Variants in ATXN3 observed in about 807,000 individuals in gnomAD.
ATXN3 encodes ataxin 3.
In ATXN3, 28 loss-of-function variants were observed where a neutral mutation model predicts 58.2. The observed-to-expected ratio is 0.48, with a 90% CI of 0.36 to 0.66. The LOEUF (loss-of-function observed/expected upper bound fraction) is 0.66, where lower values mean the gene tolerates loss of function less well. ATXN3 is among the 30% of genes least tolerant of loss of function. The pLI is 0.00. For synonymous variants in ATXN3, 113 were observed against 138.5 expected (o/e 0.82, Z 1.29); for missense variants, 321 against 422.1 (o/e 0.76, Z 2.10).
At chr14:92,084,065 C>A (rs2061942544) in intron 6 of ATXN3, among the ~76,000 whole-genome samples, 1 of 152,190 alleles carries the variant, frequency 6.6e-6, no homozygotes, top group South Asian at 2.1e-4. Context: ...GCACTGTCAG[C>A]TTCCCTACTT....
rs2059930727 is a variant in ATXN3, at chr14:92,074,081, C to T, written c.873-3028G>A. Among the ~76,000 whole-genome samples, 4 of 149,020 alleles carry T rather than the reference C, an allele frequency of 2.7e-5. No homozygotes were observed. The South Asian group carries it at 8.5e-4, about 32-fold the overall frequency. Reference sequence around the variant, plus strand: ...GTGGCTCATACCTGTAATCACAACACTTTGGGAGGCTGAGGCGGGCAGATC... The same window carrying T: ...GTGGCTCATACCTGTAATCACAACATTTTGGGAGGCTGAGGCGGGCAGATC... On this transcript the variant is annotated intron_variant, in intron 9 of 10. Transcript: ENST00000644486.
intron 6 of ATXN3, 93 bp from the exon 7 acceptor site, chr14:92,083,351 A>C: frequency 1.6e-6 from 2 of 1,221,268 alleles, no homozygotes; most frequent in Non-Finnish European, 2.3e-6. Flanking sequence ...AGCACAGAAC[A>C]CTGGAAAAAA....
intron 3 of ATXN3, among the ~76,000 whole-genome samples, chr14:92,095,346 C>G (rs1425105599): frequency 6.6e-6 from 1 of 151,968 alleles, no homozygotes; most frequent in South Asian, 2.1e-4. Context: ...CTGGTTCAAG[C>G]GATTCTCCTG....
intron 10 of ATXN3, among the ~76,000 whole-genome samples, chr14:92,065,041 C>T (rs2058133081): frequency 6.6e-6 from 1 of 152,192 alleles, no homozygotes; most frequent in African/African-American, 2.4e-5. Flanking sequence ...ACCACCACCA[C>T]TACAATCAAG....
upstream of ATXN3, among the ~76,000 whole-genome samples, chr14:92,051,331 A>ACT (rs769442072): frequency 1.2e-4 from 18 of 152,168 alleles, no homozygotes; most frequent in Non-Finnish European, 2.2e-4. Flanking sequence ...TTCCATTACT[A>ACT]CAGAATCTTT....
rs2057736646 is a variant in ATXN3, at chr14:92,060,907, A to T, written c.*3413T>A. On this transcript the variant is annotated 3_prime_UTR_variant, in exon 11 of 11. Coordinates refer to ENST00000644486, the MANE Select transcript of ATXN3 (RefSeq NM_004993.6). ...GCCACCGCGCCCAGCTAATTTTTGT[A>T]GTTTTTAGTACAGATGGGGTTTCAC... 6.6e-6 allele frequency: 1 copy of T among 151,704 alleles called. No homozygotes were observed. The highest frequency in any genetic ancestry group is 2.1e-4 in the South Asian group (1 of 4,816). 9.4% of individuals were successfully genotyped at this position (151,704 alleles called of 1,614,324 possible).
chr14:92,102,704 A>C (rs1241542336), intron 1 of ATXN3, among the ~76,000 whole-genome samples: 1 of 152,046 alleles, frequency 6.6e-6, no homozygotes, highest in South Asian at 2.1e-4. Context: ...CCTTCTCTAC[A>C]CTCTAACTCT....
At chr14:92,088,075 CTTT>C (rs763494837) in intron 6 of ATXN3, among the ~76,000 whole-genome samples, 1 of 144,882 alleles carries the variant, frequency 6.9e-6, no homozygotes, top group Admixed American at 6.9e-5. Flanking sequence ...TTTTTCTTTT[CTTT>C]TTTTTTTTGA....
At chr14:92,066,208 G>A (rs1298249672) in intron 10 of ATXN3, among the ~76,000 whole-genome samples, 1 of 152,138 alleles carries the variant, frequency 6.6e-6, no homozygotes, top group Non-Finnish European at 1.5e-5. Flanking sequence ...ATTTTCCAAA[G>A]TGCCTGCATC....
chr14:92,096,250 T>G (rs2065213495), intron 2 of ATXN3, 113 bp from the exon 3 acceptor site: 13 of 1,597,854 alleles, frequency 8.1e-6, no homozygotes, highest in Admixed American at 3.4e-5. Context: ...ATTTCCAAAG[T>G]TAACAGCACA....
chr14:92,106,111 G>T (rs1254006893), intron 1 of ATXN3, among the ~76,000 whole-genome samples: 1 of 151,878 alleles, frequency 6.6e-6, no homozygotes, highest in Non-Finnish European at 1.5e-5. Flanking sequence ...AGTTAATTCT[G>T]CCAGGATTAG....
chr14:92,054,517 A>G (rs1378082269), downstream of ATXN3, among the ~76,000 whole-genome samples: 1 of 152,230 alleles, frequency 6.6e-6, no homozygotes, highest in Non-Finnish European at 1.5e-5. Flanking sequence ...AAGTTACCCT[A>G]TATGGTCTAA....
chr14:92,067,732 ATTATG>A (rs1162363277), intron 10 of ATXN3, among the ~76,000 whole-genome samples: 1 of 152,182 alleles, frequency 6.6e-6, no homozygotes. Context: ...AATTTGGGGT[ATTATG>A]TTATGAGAAT....
chr14:92,091,867 A>ATT (rs35361481), intron 5 of ATXN3, among the ~76,000 whole-genome samples: 3 of 146,820 alleles, frequency 2.0e-5, no homozygotes, highest in Non-Finnish European at 3.0e-5. Context: ...TTTTTCTTTC[A>ATT]TTTTTTTTTT....
At chr14:92,057,586 C>A (rs1377968362), downstream of ATXN3, among the ~76,000 whole-genome samples, 1 of 152,030 alleles carries the variant, frequency 6.6e-6, no homozygotes, top group African/African-American at 2.4e-5. Flanking sequence ...ATCCAAGAAC[C>A]CTCTCTTGGG....
intron 6 of ATXN3, among the ~76,000 whole-genome samples, chr14:92,085,421 C>G (rs1049049532): frequency 6.6e-6 from 1 of 152,096 alleles, no homozygotes; most frequent in Non-Finnish European, 1.5e-5. Flanking sequence ...AACTCCTGAC[C>G]TCAAGTGATC....
chr14:92,093,944 G>GT (rs10606586), intron 3 of ATXN3, 113 bp from the exon 4 acceptor site: 33,177 of 426,532 alleles, frequency 0.078, 127 homozygotes, highest in South Asian at 0.09. Context: ...AAGGCTATAG[G>GT]TTTTTTTTTT....
rs1472315256 is a variant in ATXN3, at chr14:92,060,222, A to G, written c.*4098T>C. 2 of 147,140 alleles carry G rather than the reference A, an allele frequency of 1.4e-5. No individual in the cohort carries two copies. The highest frequency in any genetic ancestry group is 5.0e-5 in the African/African-American group (2 of 39,684). 9.1% of individuals were successfully genotyped at this position (147,140 alleles called of 1,614,324 possible). ...GGGATAAAGTTTTTAATAGGAAGTC[A>G]TATATATATACATATATATATACAC... On this transcript the variant is annotated 3_prime_UTR_variant, in exon 11 of 11. Transcript: ENST00000644486.
intron 9 of ATXN3, among the ~76,000 whole-genome samples, chr14:92,080,040 T>C (rs2061179152): frequency 6.6e-6 from 1 of 151,950 alleles, no homozygotes; most frequent in Non-Finnish European, 1.5e-5. Flanking sequence ...GCCCAGCCTT[T>C]TATTTTTCTT....
Sources: allele counts gnomAD v4.1 joint callset (sites outside exome capture counted in the v4.1 genomes callset), GRCh38; gene constraint gnomAD v4.1.1; transcripts MANE v1.5; gene names NCBI Gene and HGNC (gene_info 2026-07-23, HGNC 2026-07-21).